Variants in ANO3 observed in about 807,000 individuals in gnomAD.
ANO3 encodes the protein anoctamin 3.
Under a neutral mutation model 144.8 loss-of-function variants are expected in ANO3, and 99 were observed. The observed-to-expected ratio is 0.68, with a 90% confidence interval of 0.58 to 0.81. The LOEUF is 0.81. Ranked by LOEUF, ANO3 falls within the 30% of genes least tolerant of loss-of-function variation. ANO3 has a pLI of 0.00. For missense variants in ANO3, 905 were observed against 1,202.2 expected (o/e 0.75, Z 3.66); for synonymous variants, 414 against 392.6 (o/e 1.05, Z -0.64).
intron 1 of ANO3, among the ~76,000 whole-genome samples, chr11:26,301,599 T>C (rs1202720368): frequency 1.3e-5 from 2 of 152,134 alleles, no homozygotes; most frequent in African/African-American, 4.8e-5. Context: ...TGTCATTCTA[T>C]AAACACATTA....
Position 26,531,320 on chromosome 11 carries a change from C to T in ANO3, c.853C>T (p.Arg285Cys), listed in dbSNP as rs745681189. 21 of 1,609,964 alleles carry T rather than the reference C, an allele frequency of 1.3e-5. No homozygotes were observed. In the Admixed American group the frequency reaches 2.5e-4, roughly 19 times the overall value. Residue 285 changes from arginine (R) to cysteine (C), a missense_variant, in exon 8 of 27, where the codon CGT becomes TGT. Physicochemically the swap from Arg to Cys is radical, Grantham distance 180. Around this residue, in one of 4 missense-constraint regions of ANO3, gnomAD observed 597 missense variants for 865.1 expected, o/e 0.69. Coordinates refer to ENST00000256737, the MANE Select transcript of ANO3 (RefSeq NM_031418.4). ...ESDCYTGPFSRARIHHFIINN... is the reference protein window; with the variant it reads ...ESDCYTGPFSCARIHHFIINN... ...AGACTGCTATACTGGCCCCTTCAGC[C>T]GTGCACGGATTCACCAGTGAGTTCC...
At chr11:26,587,229 A>G (rs17243468) in intron 14 of ANO3, among the ~76,000 whole-genome samples, 4,661 of 152,280 alleles carry the variant, frequency 0.031, 103 homozygotes, top group Non-Finnish European at 0.049. Flanking sequence ...GACTTAGGGC[A>G]GTGTAGAGCT....
At chr11:26,424,621 C>A (rs1857865558) in intron 1 of ANO3, among the ~76,000 whole-genome samples, 1 of 152,044 alleles carries the variant, frequency 6.6e-6, no homozygotes, top group South Asian at 2.1e-4. Flanking sequence ...GCTAGAGTAA[C>A]AGGCTATTCT....
intron 6 of ANO3, among the ~76,000 whole-genome samples, chr11:26,522,047 A>G (rs1440522352): frequency 2.6e-5 from 4 of 151,820 alleles, no homozygotes; most frequent in African/African-American, 9.7e-5. Flanking sequence ...AGCCGGGGGT[A>G]GTGGCGGGCG....
At chr11:26,568,628 C>T (rs761419728) in intron 14 of ANO3, among the ~76,000 whole-genome samples, 3 of 151,940 alleles carry the variant, frequency 2.0e-5, no homozygotes, top group Non-Finnish European at 4.4e-5. Context: ...AAGAAAATCA[C>T]GATAACTGTC....
intron 1 of ANO3, among the ~76,000 whole-genome samples, chr11:26,441,364 G>T (rs1163520914): frequency 6.6e-6 from 1 of 151,198 alleles, no homozygotes; most frequent in Non-Finnish European, 1.5e-5. Flanking sequence ...TGATCCGCCC[G>T]CCTCGGCCTC....
intron 22 of ANO3, among the ~76,000 whole-genome samples, chr11:26,642,342 C>CTTTTTTTTTTTTTTTTTTTTTTTTT (rs576729432): frequency 1.1e-5 from 1 of 93,066 alleles, no homozygotes; most frequent in African/African-American, 4.2e-5. Context: ...TTCTTTCTTT[C>CTTTTTTTTTTTTTTTTTTTTTTTTT]TTTTTTTTTT....
Position 26,565,078 on chromosome 11 carries a change from G to A in ANO3, c.1447+5299G>A, listed in dbSNP as rs7949311. On this transcript the variant is annotated intron_variant, in intron 14 of 26. Transcript: ENST00000256737. Reference sequence around the variant, plus strand: ...TATTGTGTTCTCTTCTGTTTTTCCAGCATGGTGATTCCTTAGACTTACTCT... The same window carrying A: ...TATTGTGTTCTCTTCTGTTTTTCCAACATGGTGATTCCTTAGACTTACTCT... 2.2e-3 allele frequency: 2,857 copies of A among 1,296,998 alleles called. 48 individuals are homozygous for A. The African/African-American group carries it at 0.035, about 16-fold the overall frequency. The allele number at this position is 1,296,998 out of a possible 1,614,324, so 80.3% of individuals were successfully genotyped here. A position where few individuals can be genotyped will look rare whatever the true frequency, so the allele number is the denominator to read the frequency against.
At chr11:26,440,497 AAAG>A (rs1858473402) in intron 1 of ANO3, among the ~76,000 whole-genome samples, 2 of 152,208 alleles carry the variant, frequency 1.3e-5, no homozygotes, top group African/African-American at 4.8e-5. Context: ...TGACAGTAAT[AAAG>A]AAGACTAGAA....
intron 17 of ANO3, among the ~76,000 whole-genome samples, chr11:26,622,654 G>A (rs1194381985): frequency 6.6e-6 from 1 of 152,094 alleles, no homozygotes; most frequent in South Asian, 2.1e-4. Flanking sequence ...GACAAGGCAC[G>A]ATGTATGTGG....
At chr11:26,517,055 T>C (rs1349698167) in intron 6 of ANO3, 128 bp downstream of exon 6, 2 of 481,822 alleles carry the variant, frequency 4.2e-6, no homozygotes, top group Non-Finnish European at 3.6e-6. Context: ...ATTTCAGTTA[T>C]TCTGGACAGT....
intron 18 of ANO3, among the ~76,000 whole-genome samples, chr11:26,633,920 T>A (rs1475747719): frequency 6.6e-6 from 1 of 151,536 alleles, no homozygotes; most frequent in East Asian, 1.9e-4. Flanking sequence ...CTACTAAAAA[T>A]ACAAAAAATT....
At chr11:26,442,522 A>T (rs943997633) in intron 2 of ANO3, among the ~76,000 whole-genome samples, 2 of 152,232 alleles carry the variant, frequency 1.3e-5, no homozygotes, top group Non-Finnish European at 1.5e-5. Flanking sequence ...AAAGCATTGA[A>T]GATTTGGTGG....
chr11:26,578,584 G>A (rs1447489125), intron 14 of ANO3, among the ~76,000 whole-genome samples: 2 of 152,174 alleles, frequency 1.3e-5, no homozygotes, highest in African/African-American at 2.4e-5. Context: ...GGTGGCATGA[G>A]GATCAGTTCC....
rs186194377 is a variant in ANO3, at chr11:26,226,168, T to A, written c.154+36838T>A. Among the ~76,000 whole-genome samples, 198 of 152,236 alleles carry A rather than the reference T, an allele frequency of 1.3e-3. 1 individual carries two copies. The highest frequency in any genetic ancestry group is 0.01 in the Middle Eastern group (3 of 294). ...GGACACTACAAATTTATTGACCAGA[T>A]TTCTTTAAGTCATATAGGCAAGAAT... is the stretch of plus-strand genomic sequence containing the variant. On this transcript the variant is annotated intron_variant, in intron 1 of 27. Transcript: ENST00000672621.
intron 1 of ANO3, among the ~76,000 whole-genome samples, chr11:26,350,021 G>A (rs1357081067): frequency 1.3e-5 from 2 of 152,130 alleles, no homozygotes; most frequent in African/African-American, 2.4e-5. Context: ...ATCTGAAAGA[G>A]ACGGGAAAGG....
chr11:26,586,665 G>A (rs1290936485), intron 14 of ANO3, among the ~76,000 whole-genome samples: 1 of 149,100 alleles, frequency 6.7e-6, no homozygotes, highest in African/African-American at 2.5e-5. Context: ...ACCACACCCG[G>A]CTAACTTTTT....
At chr11:26,648,917 A>T (rs946127372) in intron 24 of ANO3, among the ~76,000 whole-genome samples, 6 of 152,136 alleles carry the variant, frequency 3.9e-5, no homozygotes, top group Non-Finnish European at 8.8e-5. Flanking sequence ...TGAGGAACTG[A>T]CGTTTTCTCA....
chr11:26,325,126 C>T (rs537363687), intron 1 of ANO3, among the ~76,000 whole-genome samples: 30 of 152,210 alleles, frequency 2.0e-4, no homozygotes, highest in Middle Eastern at 6.8e-3. Flanking sequence ...TCCAAATGTT[C>T]CACCATTGTT....
Sources: allele counts gnomAD v4.1 joint callset (sites outside exome capture counted in the v4.1 genomes callset), GRCh38; gene constraint gnomAD v4.1.1; regional missense constraint gnomAD v4.1.1; transcripts MANE v1.5; gene names NCBI Gene and HGNC (gene_info 2026-07-23, HGNC 2026-07-21).